The following JAK1 variants were observed in gnomAD, a reference collection of about 807,000 sequenced individuals.
JAK1 encodes the protein tyrosine-protein kinase JAK1.
In JAK1, 16 loss-of-function variants were observed where a neutral mutation model predicts 136.6. The ratio of observed to expected loss-of-function variants is 0.12; its 90% CI spans 0.08 to 0.18. The LOEUF (loss-of-function observed/expected upper bound fraction) is 0.18, where lower values mean the gene tolerates loss of function less well. Among genes scored for constraint, JAK1 ranks in the 10% least tolerant of loss-of-function variants. The pLI is 1.00. For synonymous variants in JAK1, 492 were observed against 519.5 expected (o/e 0.95, Z 0.72); for missense variants, 859 against 1,450.1 (o/e 0.59, Z 6.62).
intron 1 of JAK1, among the ~76,000 whole-genome samples, chr1:64,952,406 C>T (rs1646107567): frequency 6.6e-6 from 1 of 152,176 alleles, no homozygotes; most frequent in South Asian, 2.1e-4. Flanking sequence ...CTGGCATAAA[C>T]ATTCAATAAA....
intron 2 of JAK1, among the ~76,000 whole-genome samples, chr1:64,883,829 C>A (rs1479296449): frequency 6.6e-6 from 1 of 152,096 alleles, no homozygotes; most frequent in Non-Finnish European, 1.5e-5. Context: ...CATTCTGGAA[C>A]CAACAATGTT....
chr1:64,953,483 C>T (rs2100588796), intron 1 of JAK1, among the ~76,000 whole-genome samples: 1 of 152,222 alleles, frequency 6.6e-6, no homozygotes, highest in South Asian at 2.1e-4. Flanking sequence ...CAGGTAAACA[C>T]AGGACGTGTT....
chr1:64,945,941 T>C (rs1167634362), intron 1 of JAK1, among the ~76,000 whole-genome samples: 1 of 152,186 alleles, frequency 6.6e-6, no homozygotes, highest in Non-Finnish European at 1.5e-5. Flanking sequence ...TTTCACCATG[T>C]TGGCCAGCTG....
intron 1 of JAK1, among the ~76,000 whole-genome samples, chr1:64,908,290 G>A (rs189327449): frequency 2.3e-4 from 35 of 152,116 alleles, no homozygotes; most frequent in Admixed American, 1.8e-3. Context: ...TTACTCTCAC[G>A]GCAGTGACCC....
At chr1:64,897,991 A>G (rs1456569289) in intron 1 of JAK1, among the ~76,000 whole-genome samples, 1 of 152,208 alleles carries the variant, frequency 6.6e-6, no homozygotes, top group Non-Finnish European at 1.5e-5. Context: ...AAACAGTTCA[A>G]ATACTGCTAT....
intron 11 of JAK1, 99 bp downstream of exon 11, chr1:64,855,410 G>C: frequency 9.4e-7 from 1 of 1,068,706 alleles, no homozygotes; most frequent in Non-Finnish European, 1.3e-6. Context: ...ACTGTGGGGA[G>C]GGTCCACTTT....
intron 1 of JAK1, among the ~76,000 whole-genome samples, chr1:65,047,748 C>G (rs1647200416): frequency 6.6e-6 from 1 of 151,794 alleles, no homozygotes; most frequent in Non-Finnish European, 1.5e-5. Flanking sequence ...ACAGATCGCA[C>G]AGAGCTTACA....
chr1:64,940,124 T>G (rs1362514123), intron 1 of JAK1, among the ~76,000 whole-genome samples: 2 of 152,080 alleles, frequency 1.3e-5, no homozygotes, highest in Non-Finnish European at 2.9e-5. Context: ...ACTGATAGCT[T>G]CAAGGAGAGA....
At chr1:64,850,967 A>G in intron 11 of JAK1, 57 bp from the exon 12 acceptor site, 1 of 1,202,062 alleles carries the variant, frequency 8.3e-7, no homozygotes, top group East Asian at 2.3e-5. Flanking sequence ...GCTCTCAGAC[A>G]GCCAACGTCT....
intron 1 of JAK1, among the ~76,000 whole-genome samples, chr1:64,945,833 A>G (rs529843780): frequency 6.6e-6 from 1 of 151,770 alleles, no homozygotes; most frequent in Non-Finnish European, 1.5e-5. Context: ...GGTTCAAGCC[A>G]TCCTCTGGCC....
At chr1:64,860,378 G>A (rs1656213420) in intron 8 of JAK1, 116 bp from the exon 9 acceptor site, 1 of 610,034 alleles carries the variant, frequency 1.6e-6, no homozygotes, top group South Asian at 4.7e-5. Context: ...GAACCCCAAA[G>A]GGAAAACCTT....
At position 64,860,165 on chromosome 1, in the gene JAK1, G is replaced by A. The variant is rs2101073027; in HGVS notation, c.1274C>T (p.Thr425Ile). ...LTADAHHYLC[T>I]DVAPPLIVHN... ...GACGATCAACGGGGGGGCCACGTCG[G>A]TGCAGAGGTAATGATGGGCATCTGC... The change falls in exon 9 of 25, where the codon ACC becomes ATC. Residue 425 changes from threonine to isoleucine, a missense_variant. Thr to Ile is a moderately conservative substitution (Grantham distance 89). Transcript: ENST00000342505. 1.2e-6 allele frequency: 2 copies of A among 1,607,816 alleles called. No homozygotes were observed. Among genetic ancestry groups the A allele is most frequent in the Non-Finnish European group, 1.7e-6 (2 of 1,175,564 alleles).
chr1:65,025,900 T>TACTCCTGGACTCAAGCGATCCTCCTGC (rs1646974123), intron 2 of JAK1, among the ~76,000 whole-genome samples: 1 of 152,072 alleles, frequency 6.6e-6, no homozygotes, highest in African/African-American at 2.4e-5. Context: ...GCTACTCTTG[T>TACTCCTGGACTCAAGCGATCCTCCTGC]ACTCCTGGAC....
At chr1:64,868,861 A>G (rs1656885916) in intron 6 of JAK1, among the ~76,000 whole-genome samples, 1 of 152,244 alleles carries the variant, frequency 6.6e-6, no homozygotes, top group Admixed American at 6.5e-5. Flanking sequence ...TAGTTGATCA[A>G]TTCTCACATT....
Position 64,938,579 on chromosome 1 carries a change from T to C in JAK1, c.-78+27754A>G, listed in dbSNP as rs569755179. On this transcript the variant is annotated intron_variant, in intron 1 of 24. Transcript: ENST00000342505. ...GCTTCATTTTATTGCTCCGCTTCCC[T>C]TGACACCAGAACTATTTATCTCCTC... is the stretch of plus-strand genomic sequence containing the variant. 2.4e-3 allele frequency among the ~76,000 whole-genome samples: 365 copies of C among 152,368 alleles called. 2 individuals carry two copies. Among genetic ancestry groups the C allele is most frequent in the African/African-American group, 8.4e-3 (351 of 41,586 alleles).
chr1:65,002,889 C>T (rs1219258866), intron 2 of JAK1, among the ~76,000 whole-genome samples: 1 of 152,218 alleles, frequency 6.6e-6, no homozygotes, highest in Admixed American at 6.5e-5. Flanking sequence ...AGGGGACGCA[C>T]GCACGCGCTG....
At chr1:64,877,596 T>C (rs1461991187) in intron 4 of JAK1, among the ~76,000 whole-genome samples, 2 of 152,140 alleles carry the variant, frequency 1.3e-5, no homozygotes, top group African/African-American at 4.8e-5. Flanking sequence ...TCTCTTCCCT[T>C]TTCTGGGTAT....
chr1:64,953,815 A>C (rs1646134544), intron 1 of JAK1, among the ~76,000 whole-genome samples: 1 of 152,024 alleles, frequency 6.6e-6, no homozygotes, highest in Non-Finnish European at 1.5e-5. Context: ...GCGTGCTGCC[A>C]CGCCCAGCTA....
intron 1 of JAK1, among the ~76,000 whole-genome samples, chr1:64,891,153 CAA>C (rs768119384): frequency 1.3e-5 from 2 of 150,780 alleles, no homozygotes; most frequent in Non-Finnish European, 3.0e-5. Flanking sequence ...AAAAAAAAAA[CAA>C]TATCTACTAA....
Sources: allele counts gnomAD v4.1 joint callset (sites outside exome capture counted in the v4.1 genomes callset), GRCh38; gene constraint gnomAD v4.1.1; transcripts MANE v1.5; gene names NCBI Gene and HGNC (gene_info 2026-07-23, HGNC 2026-07-21).